UGT2A3: variants seen among roughly 807,000 people sequenced by gnomAD.
The protein encoded by UGT2A3 is UDP glucuronosyltransferase family 2 member A3, also known as UDP-glucuronosyltransferase 2A3.
UGT2A3 carries 55 observed loss-of-function variants against 44.1 expected under a neutral mutation model. The ratio of observed to expected loss-of-function variants is 1.25; its 90% CI spans 1.00 to 1.56. The LOEUF (loss-of-function observed/expected upper bound fraction) is 1.56. Ranked by LOEUF, UGT2A3 falls within the 40% of genes most tolerant of loss-of-function variation. The probability of loss-of-function intolerance (pLI) is 0.00; values close to 1 mark genes in which losing one functional copy is unlikely to be tolerated. For missense variants in UGT2A3, 733 were observed against 621.6 expected (o/e 1.18, Z -1.91); for synonymous variants, 243 against 215.1 (o/e 1.13, Z -1.13).
intron 4 of UGT2A3, 133 bp downstream of exon 4, chr4:68,931,022 A>T: frequency 1.3e-6 from 1 of 785,532 alleles, no homozygotes; most frequent in Non-Finnish European, 2.0e-6. Flanking sequence ...TCAATCCTTT[A>T]ATTATATCTG....
intron 2 of UGT2A3, among the ~76,000 whole-genome samples, chr4:68,934,241 G>T (rs939328478): frequency 4.6e-5 from 7 of 151,726 alleles, no homozygotes; most frequent in African/African-American, 1.7e-4. Context: ...TAATATTAGA[G>T]AATTGAGGAA....
intron 2 of UGT2A3, among the ~76,000 whole-genome samples, chr4:68,934,147 T>C (rs1326860398): frequency 1.3e-5 from 2 of 151,776 alleles, no homozygotes; most frequent in Non-Finnish European, 2.9e-5. Flanking sequence ...CGACATCAAA[T>C]TCACAATAAT....
At position 68,951,723 on chromosome 4, in the gene UGT2A3, AG is replaced by A; in HGVS notation, c.37del (p.Leu13CysfsTer21). On this transcript the variant is annotated frameshift_variant, in exon 1 of 6. Coordinates refer to ENST00000251566, the MANE Select transcript of UGT2A3 (RefSeq NM_024743.4). LOFTEE classifies it high-confidence loss of function. ...TCCACAGCCAACACAGAAGAGCTGC[AG>A]GAGCAGAAATACCAAAGCTGACTTG... The part of the protein sequence containing the change: ...SDKSALVFLL[L>X]QLFCVGCGFC... 1 of 1,604,788 alleles carries A rather than the reference AG, an allele frequency of 6.2e-7. No homozygotes were observed. Among genetic ancestry groups the A allele is most frequent in the Non-Finnish European group, 8.5e-7 (1 of 1,175,730 alleles).
intron 3 of UGT2A3, among the ~76,000 whole-genome samples, chr4:68,931,860 T>C (rs2109777016): frequency 6.6e-6 from 1 of 152,162 alleles, no homozygotes; most frequent in African/African-American, 2.4e-5. Context: ...ATACAAATTT[T>C]ATACATTTGA....
At chr4:68,932,843 ACT>A in intron 2 of UGT2A3, 84 bp from the exon 3 acceptor site, 1 of 1,340,168 alleles carries the variant, frequency 7.5e-7, no homozygotes, top group African/African-American at 1.5e-5. Context: ...TAAAATAAAT[ACT>A]TGAGAAATTA....
At chr4:68,950,344 C>T (rs141395183) in intron 1 of UGT2A3, among the ~76,000 whole-genome samples, 5 of 151,800 alleles carry the variant, frequency 3.3e-5, no homozygotes, top group East Asian at 1.9e-4. Flanking sequence ...ATTTTAGTGT[C>T]GAATATAATT....
intron 2 of UGT2A3, among the ~76,000 whole-genome samples, chr4:68,941,387 A>C (rs926721524): frequency 2.0e-5 from 3 of 151,974 alleles, no homozygotes; most frequent in Admixed American, 2.0e-4. Flanking sequence ...CACATAATAG[A>C]AAAAAGGCAA....
At chr4:68,940,081 C>T (rs374054156) in intron 2 of UGT2A3, among the ~76,000 whole-genome samples, 16 of 152,040 alleles carry the variant, frequency 1.1e-4, no homozygotes, top group African/African-American at 2.7e-4. Context: ...GAAATAGGAA[C>T]GTTTTTACAC....
intron 2 of UGT2A3, chr4:68,943,477 C>T: frequency 2.6e-6 from 1 of 377,824 alleles, no homozygotes; most frequent in East Asian, 1.2e-4. Context: ...ATCCTACTGG[C>T]TCTGAAACCT....
chr4:68,937,921 T>C (rs1718016216), intron 2 of UGT2A3, among the ~76,000 whole-genome samples: 1 of 152,246 alleles, frequency 6.6e-6, no homozygotes, highest in East Asian at 1.9e-4. Context: ...CGTCAGAGAA[T>C]ATTATAAACA....
chr4:68,931,280 C>CA, intron 3 of UGT2A3, 38 bp from the exon 4 acceptor site: 1 of 1,490,590 alleles, frequency 6.7e-7, no homozygotes, highest in Non-Finnish European at 9.3e-7. Context: ...GAGTGAACCA[C>CA]AGGATATTAG....
intron 1 of UGT2A3, among the ~76,000 whole-genome samples, chr4:68,948,572 C>A (rs1718469835): frequency 6.6e-6 from 1 of 151,326 alleles, no homozygotes; most frequent in Non-Finnish European, 1.5e-5. Flanking sequence ...CTGAGCCTCC[C>A]AAGTTACTGG....
rs139330963 is a variant in UGT2A3, at chr4:68,928,713, T to A, written c.*1100A>T. 463 of 152,046 alleles carry A rather than the reference T, an allele frequency of 3.0e-3. 6 individuals are homozygous for A. Among genetic ancestry groups the A allele is most frequent in the African/African-American group, 0.011 (451 of 41,564 alleles). The allele number at this position is 152,046 out of a possible 1,614,324, so 9.4% of individuals were successfully genotyped here. A position where few individuals can be genotyped will look rare whatever the true frequency, so the allele number is the denominator to read the frequency against. On this transcript the variant is annotated 3_prime_UTR_variant, in exon 6 of 6. Coordinates refer to ENST00000251566, the MANE Select transcript of UGT2A3 (RefSeq NM_024743.4). ...GAAGATTAACATATTTGCTTATTAGTGTAAACATTATTACACTATATTTAG... is the reference window on the plus strand; with the variant it reads ...GAAGATTAACATATTTGCTTATTAGAGTAAACATTATTACACTATATTTAG...
chr4:68,942,259 GA>G (rs1718214719), intron 2 of UGT2A3, among the ~76,000 whole-genome samples: 4 of 148,686 alleles, frequency 2.7e-5, no homozygotes, highest in African/African-American at 7.4e-5. Flanking sequence ...AGAAAATATG[GA>G]AAAAATATAC....
chr4:68,931,129 A>G (rs375209959), intron 4 of UGT2A3, 26 bp downstream of exon 4: 3 of 1,565,952 alleles, frequency 1.9e-6, no homozygotes, highest in Non-Finnish European at 2.6e-6. Context: ...CGTCTAGTTC[A>G]TATTTTTACT....
intron 2 of UGT2A3, among the ~76,000 whole-genome samples, chr4:68,940,730 T>TAA (rs1360791233): frequency 6.8e-6 from 1 of 146,740 alleles, no homozygotes; most frequent in African/African-American, 2.5e-5. Flanking sequence ...TGTATATATA[T>TAA]AATATACACA....
At chr4:68,931,859 T>G (rs1717748703) in intron 3 of UGT2A3, among the ~76,000 whole-genome samples, 1 of 152,156 alleles carries the variant, frequency 6.6e-6, no homozygotes, top group Non-Finnish European at 1.5e-5. Flanking sequence ...TATACAAATT[T>G]TATACATTTG....
At chr4:68,941,893 T>C (rs78156480) in intron 2 of UGT2A3, among the ~76,000 whole-genome samples, 1,609 of 151,914 alleles carry the variant, frequency 0.011, 26 homozygotes, top group African/African-American at 0.036. Context: ...ATGCTCAAAA[T>C]CACTAATCAT....
intron 2 of UGT2A3, among the ~76,000 whole-genome samples, chr4:68,939,611 C>G (rs1236620147): frequency 6.6e-6 from 1 of 152,090 alleles, no homozygotes; most frequent in Non-Finnish European, 1.5e-5. Flanking sequence ...AAAACCTAGG[C>G]TATACCACTG....
Sources: gnomAD v4.1 joint callset for allele counts (sites outside exome capture counted in the v4.1 genomes callset) on GRCh38, gnomAD v4.1.1 for gene constraint, MANE v1.5 for transcripts, NCBI Gene and HGNC (gene_info 2026-07-23, HGNC 2026-07-21) for gene names.